The following EPHA6 variants were observed in gnomAD, a reference collection of about 807,000 sequenced individuals.
The protein encoded by EPHA6 is ephrin type-A receptor 6.
EPHA6 carries 50 observed loss-of-function variants against 112.0 expected under a neutral mutation model. That is an observed-to-expected ratio of 0.45 (90% confidence interval 0.36 to 0.56). The LOEUF (loss-of-function observed/expected upper bound fraction) is 0.56, where lower values mean the gene tolerates loss of function less well. EPHA6 is among the 20% of genes least tolerant of loss of function. The probability of loss-of-function intolerance (pLI) is 0.00; values close to 1 mark genes in which losing one functional copy is unlikely to be tolerated. For missense variants in EPHA6, 1,280 were observed against 1,417.4 expected, an observed-to-expected ratio of 0.90 and a Z score of 1.56; for synonymous variants, 529 against 490.7, an observed-to-expected ratio of 1.08 and a Z score of -1.03.
intron 2 of EPHA6, among the ~76,000 whole-genome samples, chr3:96,953,514 C>T (rs1177287907): frequency 6.6e-6 from 1 of 152,158 alleles, no homozygotes; most frequent in African/African-American, 2.4e-5. Flanking sequence ...GTTTATGGCT[C>T]CTGCATACAT....
intron 2 of EPHA6, among the ~76,000 whole-genome samples, chr3:96,916,154 T>C (rs1303635045): frequency 6.6e-6 from 1 of 152,114 alleles, no homozygotes; most frequent in Non-Finnish European, 1.5e-5. Flanking sequence ...GATTAAAGAA[T>C]GTTGTGGAAA....
intron 2 of EPHA6, among the ~76,000 whole-genome samples, chr3:96,908,541 A>G (rs908963501): frequency 1.3e-5 from 2 of 151,812 alleles, no homozygotes; most frequent in Non-Finnish European, 2.9e-5. Flanking sequence ...TCAGTAGGGT[A>G]AACTTATATG....
intron 3 of EPHA6, among the ~76,000 whole-genome samples, chr3:97,187,737 GAAA>G (rs1559784734): frequency 4.1e-5 from 6 of 147,512 alleles, no homozygotes; most frequent in African/African-American, 1.2e-4. Flanking sequence ...AAGAAAGAAA[GAAA>G]GAAAGAGGAA....
chr3:97,230,329 C>T (rs573104812), intron 4 of EPHA6, among the ~76,000 whole-genome samples: 1 of 152,206 alleles, frequency 6.6e-6, no homozygotes, highest in African/African-American at 2.4e-5. Flanking sequence ...TGGGCTACAA[C>T]AAGGTCTATG....
chr3:97,479,392 T>C, intron 9 of EPHA6, 28 bp downstream of exon 9: 1 of 1,492,182 alleles, frequency 6.7e-7, no homozygotes, highest in Non-Finnish European at 9.2e-7. Flanking sequence ...TTTCTTTCAT[T>C]ATTTTGTACT....
intron 10 of EPHA6, among the ~76,000 whole-genome samples, chr3:97,501,702 G>A (rs1312723611): frequency 6.6e-6 from 1 of 151,876 alleles, no homozygotes; most frequent in Non-Finnish European, 1.5e-5. Context: ...AGAAGTAAAT[G>A]TATCTAGCCT....
chr3:97,747,273 T>C lies in EPHA6; in HGVS notation c.3129-150T>C, dbSNP rs371001537. ...AAATAATTTTTTAAAGTGACTGATT[T>C]GAATAAGATAGAAAATCAGAGGCTT... On this transcript the variant is annotated intron_variant, in intron 16 of 17. Coordinates refer to ENST00000389672, the MANE Select transcript of EPHA6 (RefSeq NM_001080448.3). 1.1e-4 allele frequency: 71 copies of C among 644,302 alleles called. 1 individual carries two copies. In the South Asian group the frequency reaches 1.9e-3, roughly 17 times the overall value. 39.9% of individuals were successfully genotyped at this position (644,302 alleles called of 1,614,324 possible).
At chr3:97,663,588 G>T (rs1266882163) in intron 14 of EPHA6, among the ~76,000 whole-genome samples, 3 of 148,726 alleles carry the variant, frequency 2.0e-5, no homozygotes, top group Non-Finnish European at 4.4e-5. Context: ...TGTGGTGTTT[G>T]GTTTTTTGTC....
Position 97,595,332 on chromosome 3 carries a change from T to C in EPHA6, c.2512+2595T>C, listed in dbSNP as rs1046901226. Among the ~76,000 whole-genome samples, 4 of 152,138 alleles carry C rather than the reference T, an allele frequency of 2.6e-5. No homozygotes were observed. The East Asian group carries it at 7.7e-4, about 29-fold the overall frequency. ...CGATTAACAGAATGCATTTGTGTAG[T>C]AGTCACCGATACAGGAAGAAATCAC... On this transcript the variant is annotated intron_variant, in intron 12 of 17. Coordinates refer to ENST00000389672, the MANE Select transcript of EPHA6 (RefSeq NM_001080448.3).
chr3:97,708,953 A>C (rs2033821816), intron 14 of EPHA6, among the ~76,000 whole-genome samples: 1 of 152,176 alleles, frequency 6.6e-6, no homozygotes, highest in African/African-American at 2.4e-5. Flanking sequence ...GGACGTATGG[A>C]AATGCCTGGA....
At chr3:97,040,857 A>G (rs1475084512) in intron 3 of EPHA6, among the ~76,000 whole-genome samples, 1 of 152,040 alleles carries the variant, frequency 6.6e-6, no homozygotes, top group African/African-American at 2.4e-5. Context: ...AGTGGTAAAA[A>G]TATTGTTAAT....
intron 1 of EPHA6, among the ~76,000 whole-genome samples, chr3:96,863,624 G>T (rs1178251634): frequency 6.6e-6 from 1 of 151,850 alleles, no homozygotes; most frequent in Non-Finnish European, 1.5e-5. Flanking sequence ...CTAAGCATTT[G>T]CACTATAATA....
At chr3:96,985,573 A>G (rs182570079) in intron 2 of EPHA6, among the ~76,000 whole-genome samples, 10 of 152,278 alleles carry the variant, frequency 6.6e-5, no homozygotes, top group Admixed American at 2.6e-4. Context: ...TATCATGTAT[A>G]TTCCCATGAG....
chr3:97,248,738 T>C (rs765092790), intron 5 of EPHA6, among the ~76,000 whole-genome samples: 2 of 152,104 alleles, frequency 1.3e-5, no homozygotes, highest in Non-Finnish European at 2.9e-5. Context: ...GTACCTACTG[T>C]AGCAGGAATA....
chr3:97,705,618 A>C (rs1028818772), intron 14 of EPHA6, among the ~76,000 whole-genome samples: 4 of 152,220 alleles, frequency 2.6e-5, no homozygotes, highest in African/African-American at 9.6e-5. Context: ...AATATTTGGC[A>C]GCAAGAACTG....
chr3:97,067,435 G>T (rs575503431), intron 3 of EPHA6, among the ~76,000 whole-genome samples: 32 of 152,064 alleles, frequency 2.1e-4, no homozygotes, highest in Admixed American at 1.7e-3. Flanking sequence ...TAATTGAAAC[G>T]TGAAAGCTAG....
chr3:97,497,532 A>G (rs1395588851), intron 10 of EPHA6, among the ~76,000 whole-genome samples: 2 of 152,252 alleles, frequency 1.3e-5, no homozygotes, highest in South Asian at 2.1e-4. Context: ...ACTAACATGT[A>G]CATGTGTTTT....
chr3:97,744,881 A>G (rs529595685), intron 16 of EPHA6, among the ~76,000 whole-genome samples: 2 of 152,042 alleles, frequency 1.3e-5, no homozygotes, highest in South Asian at 4.1e-4. Flanking sequence ...ACATTCTTTT[A>G]ATTTTCTTCA....
At chr3:97,182,339 AATT>A (rs1234698947) in intron 3 of EPHA6, among the ~76,000 whole-genome samples, 5 of 148,902 alleles carry the variant, frequency 3.4e-5, no homozygotes, top group South Asian at 4.2e-4. Context: ...TATTATATAT[AATT>A]ATCATATTAT....
Sources: allele counts gnomAD v4.1 joint callset (sites outside exome capture counted in the v4.1 genomes callset), GRCh38; gene constraint gnomAD v4.1.1; transcripts MANE v1.5; gene names NCBI Gene and HGNC (gene_info 2026-07-23, HGNC 2026-07-21).